Variants in RUFY3 observed in about 807,000 individuals in gnomAD.
RUFY3 encodes RUN and FYVE domain containing 3.
RUFY3 carries 34 observed loss-of-function variants against 84.0 expected under a neutral mutation model. That is an observed-to-expected ratio of 0.40 (90% CI 0.31 to 0.54). RUFY3 has a LOEUF of 0.54. Among genes scored for constraint, RUFY3 ranks in the 20% least tolerant of loss-of-function variants. RUFY3 has a pLI of 0.39. For synonymous variants in RUFY3, 242 were observed against 252.9 expected (o/e 0.96, Z 0.41); for missense variants, 507 against 736.8 (o/e 0.69, Z 3.61).
chr4:70,717,873 ATTTTTTTTTTTTTT>A (rs1165078654), upstream of RUFY3, among the ~76,000 whole-genome samples: 3 of 82,372 alleles, frequency 3.6e-5, no homozygotes, highest in African/African-American at 1.1e-4. Flanking sequence ...TTGACATGGT[ATTTTTTTTTTTTTT>A]TTTTTTTTTT....
At chr4:70,721,752 C>T (rs966288651), upstream of RUFY3, 1 of 593,996 alleles carries the variant, frequency 1.7e-6, no homozygotes, top group Non-Finnish European at 2.1e-6. Context: ...TTTATTCAGT[C>T]CTTGATCCCA....
intron 12 of RUFY3, chr4:70,791,540 A>G: frequency 7.5e-7 from 1 of 1,332,308 alleles, no homozygotes; most frequent in East Asian, 3.1e-5. Flanking sequence ...ATAAACTTTG[A>G]GAAATTATTT....
upstream of RUFY3, among the ~76,000 whole-genome samples, chr4:70,719,279 T>G (rs538757134): frequency 6.6e-6 from 1 of 152,344 alleles, no homozygotes; most frequent in Non-Finnish European, 1.5e-5. Flanking sequence ...GTTTTGGGCT[T>G]GCCTCTCTGT....
intron 10 of RUFY3, among the ~76,000 whole-genome samples, chr4:70,787,085 C>T (rs1046014343): frequency 6.8e-6 from 1 of 146,762 alleles, no homozygotes; most frequent in Admixed American, 6.9e-5. Context: ...AGGGAGATCA[C>T]CTGAGCCCAA....
intron 10 of RUFY3, among the ~76,000 whole-genome samples, chr4:70,787,207 T>C (rs1730017911): frequency 7.4e-6 from 1 of 134,288 alleles, no homozygotes; most frequent in East Asian, 2.2e-4. Context: ...TATATATATA[T>C]ATATATAAAA....
chr4:70,709,216 CTCTT>C (rs1349677052), intron 1 of RUFY3, among the ~76,000 whole-genome samples: 2 of 152,276 alleles, frequency 1.3e-5, no homozygotes, highest in South Asian at 2.1e-4. Flanking sequence ...AGGATTATGT[CTCTT>C]TCTGAGTCTT....
chr4:70,794,245 T>C (rs115308668), intron 13 of RUFY3, among the ~76,000 whole-genome samples: 411 of 152,290 alleles, frequency 2.7e-3, no homozygotes, highest in African/African-American at 8.1e-3. Context: ...TATCTTCATA[T>C]CAACCCTATT....
chr4:70,726,286 T>C (rs904497201), intron 1 of RUFY3, among the ~76,000 whole-genome samples: 5 of 152,158 alleles, frequency 3.3e-5, no homozygotes, highest in Non-Finnish European at 7.4e-5. Flanking sequence ...CCTTTACCAG[T>C]AGGGAATATA....
chr4:70,705,326 G>A, intron 1 of RUFY3: 1 of 1,318,696 alleles, frequency 7.6e-7, no homozygotes, highest in Non-Finnish European at 9.7e-7. Context: ...GGACGCCCGC[G>A]GGGAAGGGAG....
At chr4:70,766,030 G>A (rs965472908) in intron 4 of RUFY3, among the ~76,000 whole-genome samples, 2 of 152,006 alleles carry the variant, frequency 1.3e-5, no homozygotes, top group Non-Finnish European at 2.9e-5. Flanking sequence ...CAAAGTGCTG[G>A]GATTACAGGC....
chr4:70,759,356 TTGTG>T (rs1553911985), intron 1 of RUFY3, among the ~76,000 whole-genome samples: 1 of 119,910 alleles, frequency 8.3e-6, no homozygotes, highest in Non-Finnish European at 1.7e-5. Context: ...ATGGCTGAAT[TTGTG>T]TGTGTGTGTG....
At chr4:70,745,872 C>G (rs10029905) in intron 1 of RUFY3, among the ~76,000 whole-genome samples, 17,361 of 152,052 alleles carry the variant, frequency 0.11, 2,137 homozygotes, top group African/African-American at 0.31. Flanking sequence ...GATTACTTGA[C>G]GTCAGGAGTT....
At chr4:70,766,682 A>G (rs1725991324) in intron 4 of RUFY3, among the ~76,000 whole-genome samples, 1 of 152,126 alleles carries the variant, frequency 6.6e-6, no homozygotes. Flanking sequence ...TCAACATCCC[A>G]CAGGAGTGGT....
At chr4:70,730,509 C>T (rs539106998) in intron 1 of RUFY3, among the ~76,000 whole-genome samples, 2 of 148,920 alleles carry the variant, frequency 1.3e-5, no homozygotes, top group Admixed American at 6.7e-5. Flanking sequence ...GAGGCTGAGG[C>T]GGGTGGATCA....
upstream of RUFY3, among the ~76,000 whole-genome samples, chr4:70,720,459 T>C (rs1577932644): frequency 6.6e-6 from 1 of 152,286 alleles, no homozygotes; most frequent in East Asian, 1.9e-4. Context: ...GCTGGTATTA[T>C]AGGCATGAGC....
exon 1 of RUFY3, chr4:70,705,283 G>C: frequency 2.1e-6 from 3 of 1,429,216 alleles, no homozygotes; most frequent in Non-Finnish European, 2.7e-6. Context: ...AGCAGCGGCA[G>C]CGGCAAGCAC....
rs565844225 is a variant in RUFY3 at position 70,773,036 on chromosome 4, A to T, written c.697-475A>T. 4.6e-5 allele frequency among the ~76,000 whole-genome samples: 7 copies of T among 152,232 alleles called. No individual in the cohort carries two copies. The South Asian group carries it at 6.2e-4, about 13-fold the overall frequency. ...TTGAAAAATGAAGACGTGTACATCA[A>T]TGAAAGTTTGGAGGAACAGACACCA... On this transcript the variant is annotated intron_variant, in intron 5 of 17. Coordinates refer to ENST00000381006, the MANE Select transcript of RUFY3 (RefSeq NM_001037442.4).
chr4:70,752,386 C>G (rs2148675405), intron 1 of RUFY3, among the ~76,000 whole-genome samples: 1 of 152,064 alleles, frequency 6.6e-6, no homozygotes, highest in Admixed American at 6.6e-5. Flanking sequence ...TTACTTCTTC[C>G]TTTTCAAACT....
At chr4:70,804,034 C>A (rs1732570396) in intron 16 of RUFY3, among the ~76,000 whole-genome samples, 1 of 152,046 alleles carries the variant, frequency 6.6e-6, no homozygotes, top group Non-Finnish European at 1.5e-5. Context: ...CAGGCCCAGT[C>A]CCCAGTGCTT....
Sources: gnomAD v4.1 joint callset for allele counts (sites outside exome capture counted in the v4.1 genomes callset) on GRCh38, gnomAD v4.1.1 for gene constraint, MANE v1.5 for transcripts, NCBI Gene and HGNC (gene_info 2026-07-23, HGNC 2026-07-21) for gene names.